The following ZFPM2 variants were observed in gnomAD, a reference collection of about 807,000 sequenced individuals.
ZFPM2 encodes the protein zinc finger protein ZFPM2.
A neutral mutation model predicts 98.6 loss-of-function variants in ZFPM2; 20 were observed. That is an observed-to-expected ratio of 0.20 (90% CI 0.14 to 0.29). The LOEUF (loss-of-function observed/expected upper bound fraction) is 0.29, where lower values mean the gene tolerates loss of function less well. Among genes scored for constraint, ZFPM2 ranks in the 10% least tolerant of loss-of-function variants. The pLI, the probability that ZFPM2 is intolerant of heterozygous loss-of-function variation, is 1.00. For missense variants in ZFPM2, 1,310 were observed against 1,388.6 expected (o/e 0.94, Z 0.90); for synonymous variants, 518 against 502.7 (o/e 1.03, Z -0.41).
chr8:105,381,588 C>A (rs1810890921), intron 1 of ZFPM2, among the ~76,000 whole-genome samples: 1 of 152,138 alleles, frequency 6.6e-6, no homozygotes, highest in Non-Finnish European at 1.5e-5. Flanking sequence ...ATAGTTCCCT[C>A]ATTGCAGTGG....
rs115068190 is a variant in ZFPM2, at chr8:105,624,116, G to A, written c.421-10130G>A. ...ACAGAGAAGGAAGCTGAGACCTTCA[G>A]AGGTTAAGTGACTGGCCTCAGGTCA... On this transcript the variant is annotated intron_variant, in intron 4 of 7. Coordinates refer to ENST00000407775, the MANE Select transcript of ZFPM2 (RefSeq NM_012082.4). Among the ~76,000 whole-genome samples, 902 of 152,302 alleles carry A rather than the reference G, an allele frequency of 5.9e-3. 6 individuals are homozygous for A. The highest frequency in any genetic ancestry group is 0.018 in the African/African-American group (732 of 41,566).
chr8:105,430,327 GGTCTTCAAAGAAGACAAC>G (rs1364496190), intron 2 of ZFPM2, among the ~76,000 whole-genome samples: 23 of 152,164 alleles, frequency 1.5e-4, no homozygotes, highest in African/African-American at 4.8e-4. Flanking sequence ...AAGTGTTAGT[GGTCTTCAAAGAAGACAAC>G]CAAGATCAAG....
At chr8:105,495,189 C>T (rs911889214) in intron 3 of ZFPM2, among the ~76,000 whole-genome samples, 3 of 152,128 alleles carry the variant, frequency 2.0e-5, no homozygotes, top group East Asian at 1.9e-4. Context: ...TTTAGTCATT[C>T]GTTTATGTGT....
At position 105,751,817 on chromosome 8, in the gene ZFPM2, A is replaced by G. The variant is rs138332873; in HGVS notation, c.533-36901A>G. On this transcript the variant is annotated intron_variant, in intron 5 of 7. Coordinates refer to ENST00000407775, the MANE Select transcript of ZFPM2 (RefSeq NM_012082.4). Reference sequence around the variant, plus strand: ...GTTAAAAAAAAAAAAAAAGTTCTTCAGCTGAGTGTGTCTTAGTTATATTTT... The same window carrying G: ...GTTAAAAAAAAAAAAAAAGTTCTTCGGCTGAGTGTGTCTTAGTTATATTTT... 1.1e-3 allele frequency among the ~76,000 whole-genome samples: 169 copies of G among 151,820 alleles called. 1 individual carries two copies. The highest frequency in any genetic ancestry group is 3.3e-3 in the Admixed American group (51 of 15,230).
Position 105,690,396 on chromosome 8 carries a change from C to T in ZFPM2, c.532+56039C>T, listed in dbSNP as rs560723228. 1.8e-4 allele frequency among the ~76,000 whole-genome samples: 27 copies of T among 152,298 alleles called. No individual in the cohort carries two copies. In the East Asian group the frequency reaches 2.1e-3, roughly 12 times the overall value. On this transcript the variant is annotated intron_variant, in intron 5 of 7. Transcript: ENST00000407775. ...AACAGATTTAGCTGGCATTGACCATCGGGGCCAAACCTTCAGACTGAGAAA... is the reference window on the plus strand; with the variant it reads ...AACAGATTTAGCTGGCATTGACCATTGGGGCCAAACCTTCAGACTGAGAAA...
intron 1 of ZFPM2, among the ~76,000 whole-genome samples, chr8:105,383,632 A>G (rs1038377833): frequency 6.6e-6 from 1 of 152,174 alleles, no homozygotes; most frequent in African/African-American, 2.4e-5. Flanking sequence ...CATACAACAT[A>G]TAACATGAAA....
intron 3 of ZFPM2, among the ~76,000 whole-genome samples, chr8:105,502,545 T>C (rs1382565354): frequency 6.6e-6 from 1 of 152,190 alleles, no homozygotes; most frequent in East Asian, 1.9e-4. Context: ...CAGCTTAGCT[T>C]TGATACCAAA....
chr8:105,343,807 C>G (rs1043667720), intron 1 of ZFPM2, among the ~76,000 whole-genome samples: 16 of 152,076 alleles, frequency 1.1e-4, no homozygotes, highest in Admixed American at 2.0e-4. Flanking sequence ...ATTTAATATT[C>G]TAGATGGGCC....
At chr8:105,700,240 GA>G (rs1449663749) in intron 5 of ZFPM2, among the ~76,000 whole-genome samples, 1 of 152,176 alleles carries the variant, frequency 6.6e-6, no homozygotes, top group Non-Finnish European at 1.5e-5. Flanking sequence ...TATGGATTTT[GA>G]AGTTATTTTA....
intron 3 of ZFPM2, among the ~76,000 whole-genome samples, chr8:105,472,595 C>T (rs1444962917): frequency 6.6e-6 from 1 of 152,086 alleles, no homozygotes; most frequent in Non-Finnish European, 1.5e-5. Flanking sequence ...CTCTGCCTCC[C>T]GGGTTCACAC....
At chr8:105,640,728 G>A (rs1304054836) in intron 5 of ZFPM2, among the ~76,000 whole-genome samples, 1 of 151,998 alleles carries the variant, frequency 6.6e-6, no homozygotes, top group Non-Finnish European at 1.5e-5. Context: ...TCTGTTGCAT[G>A]TTACTAGAAT....
At chr8:105,779,893 C>T (rs557727865) in intron 5 of ZFPM2, among the ~76,000 whole-genome samples, 2 of 152,240 alleles carry the variant, frequency 1.3e-5, no homozygotes, top group Non-Finnish European at 2.9e-5. Flanking sequence ...AAAATATAAT[C>T]GAGTTTGAAC....
intron 3 of ZFPM2, among the ~76,000 whole-genome samples, chr8:105,517,707 C>CACACCA (rs61552974): frequency 1.6e-5 from 2 of 124,890 alleles, no homozygotes; most frequent in African/African-American, 6.6e-5. Flanking sequence ...CACACACACA[C>CACACCA]CACACACACA....
At chr8:105,489,525 A>G (rs1813316532) in intron 3 of ZFPM2, among the ~76,000 whole-genome samples, 1 of 144,508 alleles carries the variant, frequency 6.9e-6, no homozygotes, top group Non-Finnish European at 1.5e-5. Flanking sequence ...GTGCAGTGGC[A>G]TGATCTCAGC....
At position 105,742,443 on chromosome 8, in the gene ZFPM2, G is replaced by A. The variant is rs1812240804; in HGVS notation, c.533-46275G>A. Among the ~76,000 whole-genome samples, 2 of 151,418 alleles carry A rather than the reference G, an allele frequency of 1.3e-5. 1 individual carries two copies. The highest frequency in any genetic ancestry group is 4.2e-4 in the South Asian group (2 of 4,804). On this transcript the variant is annotated intron_variant, in intron 5 of 7. Transcript: ENST00000407775. ...CTAGAAAGAGTGAATTAGAACAATA[G>A]GAGGTATAGTTTGAGAATGGGATGG...
intron 3 of ZFPM2, among the ~76,000 whole-genome samples, chr8:105,459,340 T>G (rs1812660893): frequency 6.6e-6 from 1 of 152,036 alleles, no homozygotes; most frequent in Non-Finnish European, 1.5e-5. Flanking sequence ...GGAGGGTGCT[T>G]TGTCACTTTG....
chr8:105,425,478 C>T (rs1355873740), intron 2 of ZFPM2, among the ~76,000 whole-genome samples: 1 of 152,120 alleles, frequency 6.6e-6, no homozygotes, highest in African/African-American at 2.4e-5. Context: ...TCACTTTGTT[C>T]CCTTCCATAA....
intron 5 of ZFPM2, among the ~76,000 whole-genome samples, chr8:105,700,371 G>A (rs1349207697): frequency 4.6e-5 from 7 of 152,136 alleles, no homozygotes; most frequent in Non-Finnish European, 7.3e-5. Flanking sequence ...TTAGAAATAC[G>A]TATGTACAAG....
chr8:105,709,743 A>T (rs7834332), intron 5 of ZFPM2, among the ~76,000 whole-genome samples: 50,027 of 151,932 alleles, frequency 0.33, 8,826 homozygotes, highest in East Asian at 0.64. Context: ...AAAGAAAAAA[A>T]TTTTAGGAAC....
Sources: allele counts gnomAD v4.1 joint callset (sites outside exome capture counted in the v4.1 genomes callset), GRCh38; gene constraint gnomAD v4.1.1; transcripts MANE v1.5; gene names NCBI Gene and HGNC (gene_info 2026-07-23, HGNC 2026-07-21).